KIAA0319: variants seen among roughly 807,000 people sequenced by gnomAD.
The protein encoded by KIAA0319 is KIAA0319.
In KIAA0319, 83 loss-of-function variants were observed where a neutral mutation model predicts 108.4. The observed-to-expected ratio is 0.77, with a 90% CI of 0.64 to 0.92. The LOEUF is 0.92. Ranked by LOEUF, KIAA0319 falls within the 40% of genes least tolerant of loss-of-function variation. The pLI is 0.00. For synonymous variants in KIAA0319, 484 were observed against 510.4 expected, an observed-to-expected ratio of 0.95 and a Z score of 0.70; for missense variants, 1,195 against 1,322.4, an observed-to-expected ratio of 0.90 and a Z score of 1.49.
At chr6:24,586,740 T>C (rs1185865546) in intron 4 of KIAA0319, among the ~76,000 whole-genome samples, 2 of 152,120 alleles carry the variant, frequency 1.3e-5, no homozygotes, top group African/African-American at 2.4e-5. Context: ...GTTTTTTTTT[T>C]CTCTCTTGTT....
intron 1 of KIAA0319, among the ~76,000 whole-genome samples, chr6:24,607,325 C>T (rs942751775): frequency 2.7e-5 from 4 of 149,426 alleles, no homozygotes; most frequent in Admixed American, 1.3e-4. Flanking sequence ...CATTGCACTC[C>T]AGCCTGGGCA....
Position 24,607,358 on chromosome 6 carries a change from A to AAAAAAGAAAAGAAAAAGAAAAG in KIAA0319, c.-105-6172_-105-6151dup, listed in dbSNP as rs11269559. On this transcript the variant is annotated intron_variant, in intron 1 of 20. Coordinates refer to ENST00000378214, the MANE Select transcript of KIAA0319 (RefSeq NM_014809.4). ...GCAACAAAAGCTAGACTCCATCTCAAAAAAAGAAAAGAAAAAGAAAAGAAA... is the reference window on the plus strand; with the variant it reads ...GCAACAAAAGCTAGACTCCATCTCAAAAAAAGAAAAGAAAAAGAAAAGAAAAAGAAAAGAAAAAGAAAAGAAA... Among the ~76,000 whole-genome samples, 411 of 150,008 alleles carry AAAAAAGAAAAGAAAAAGAAAAG rather than the reference A, an allele frequency of 2.7e-3. 1 individual carries two copies. Among genetic ancestry groups the AAAAAAGAAAAGAAAAAGAAAAG allele is most frequent in the African/African-American group, 9.3e-3 (379 of 40,798 alleles).
At chr6:24,590,907 AAATC>A (rs1191999624) in intron 3 of KIAA0319, among the ~76,000 whole-genome samples, 4 of 152,150 alleles carry the variant, frequency 2.6e-5, no homozygotes, top group Non-Finnish European at 5.9e-5. Flanking sequence ...CTCCAAAGAA[AAATC>A]AATCCTCTAT....
chr6:24,564,499 G>C (rs533621969), intron 14 of KIAA0319, among the ~76,000 whole-genome samples, 159 bp from the exon 15 acceptor site: 3 of 152,242 alleles, frequency 2.0e-5, no homozygotes, highest in African/African-American at 7.2e-5. Context: ...CTAAAGACTG[G>C]AGAAATCCTC....
intron 1 of KIAA0319, among the ~76,000 whole-genome samples, chr6:24,642,533 G>A (rs1364373989): frequency 6.6e-6 from 1 of 152,134 alleles, no homozygotes; most frequent in African/African-American, 2.4e-5. Flanking sequence ...CCTATCAACT[G>A]TAATGCTTAA....
chr6:24,631,184 TCTC>T (rs1328923161), intron 1 of KIAA0319, among the ~76,000 whole-genome samples: 1 of 152,234 alleles, frequency 6.6e-6, no homozygotes, highest in Non-Finnish European at 1.5e-5. Flanking sequence ...CTAGGGAAGT[TCTC>T]CTCTTTTATG....
intron 8 of KIAA0319, among the ~76,000 whole-genome samples, chr6:24,579,410 A>ATATATATATATATATATATATAT (rs1561981471): frequency 6.8e-4 from 60 of 87,972 alleles, no homozygotes; most frequent in African/African-American, 1.4e-3. Context: ...CCTCTATATA[A>ATATATATATATATATATATATAT]AGATATATAT....
chr6:24,593,703 G>T (rs1450378480), intron 3 of KIAA0319, among the ~76,000 whole-genome samples: 1 of 151,456 alleles, frequency 6.6e-6, no homozygotes, highest in Non-Finnish European at 1.5e-5. Context: ...TCCCGGCCCT[G>T]AATAATTATC....
At chr6:24,642,140 G>GGGGAGGGAAGGA (rs1777013064) in intron 1 of KIAA0319, among the ~76,000 whole-genome samples, 2 of 125,322 alleles carry the variant, frequency 1.6e-5, no homozygotes, top group African/African-American at 3.1e-5. Context: ...GGGAGGGGAA[G>GGGGAGGGAAGGA]GGGAGGGAAG....
At chr6:24,584,899 C>T (rs1478876094) in intron 4 of KIAA0319, among the ~76,000 whole-genome samples, 1 of 152,148 alleles carries the variant, frequency 6.6e-6, no homozygotes, top group African/African-American at 2.4e-5. Context: ...CCCAAAGATC[C>T]TGGGCCAAAC....
chr6:24,590,927 C>A (rs1768372255), intron 3 of KIAA0319, among the ~76,000 whole-genome samples: 1 of 152,170 alleles, frequency 6.6e-6, no homozygotes, highest in Non-Finnish European at 1.5e-5. Context: ...TCTATGGAAG[C>A]CACTGAGCAC....
intron 1 of KIAA0319, among the ~76,000 whole-genome samples, chr6:24,613,915 T>C (rs1307235665): frequency 2.0e-5 from 3 of 152,096 alleles, no homozygotes; most frequent in Non-Finnish European, 2.9e-5. Context: ...ATTCAACATA[T>C]CCAGAATCTG....
intron 1 of KIAA0319, among the ~76,000 whole-genome samples, chr6:24,612,802 G>A (rs972880889): frequency 6.7e-6 from 1 of 148,310 alleles, no homozygotes; most frequent in Non-Finnish European, 1.5e-5. Flanking sequence ...GAATTTTTTT[G>A]TTGTTGTTGT....
chr6:24,548,195 C>G (rs1011357597), intron 20 of KIAA0319, among the ~76,000 whole-genome samples: 1 of 152,120 alleles, frequency 6.6e-6, no homozygotes, highest in Non-Finnish European at 1.5e-5. Context: ...TGTTGCAGAA[C>G]TTTCTCCTTA....
chr6:24,599,549 G>A lies in KIAA0319; in HGVS notation c.55+1500C>T. Reference sequence around the variant, plus strand: ...ACAGGAAGGTGCTGGAGGGCGAGGAGAGCTGGCTGGAGTCTGGGATGCAGA... The same window carrying A: ...ACAGGAAGGTGCTGGAGGGCGAGGAAAGCTGGCTGGAGTCTGGGATGCAGA... On this transcript the variant is annotated intron_variant, in intron 2 of 20. Transcript: ENST00000378214. The surrounding 1 kb of genome is among the most constrained non-coding windows in gnomAD (Gnocchi z 4.1). 1 of 579,590 alleles carries A rather than the reference G, an allele frequency of 1.7e-6. No individual in the cohort carries two copies. Among genetic ancestry groups the A allele is most frequent in the Non-Finnish European group, 3.3e-6 (1 of 302,322 alleles). The allele number at this position is 579,590 out of a possible 1,614,324, so 35.9% of individuals were successfully genotyped here.
chr6:24,557,384 T>C (rs1033393400), intron 17 of KIAA0319, among the ~76,000 whole-genome samples: 1 of 152,042 alleles, frequency 6.6e-6, no homozygotes, highest in African/African-American at 2.4e-5. Flanking sequence ...GCGCCTGTAA[T>C]GCCAGCTACT....
chr6:24,599,038 A>G lies in KIAA0319; in HGVS notation c.55+2011T>C. The G allele has an allele frequency of 1.4e-6, 1 of 737,026 alleles. No homozygotes were observed. Among genetic ancestry groups the G allele is most frequent in the Non-Finnish European group, 2.4e-6 (1 of 411,710 alleles). The allele number at this position is 737,026 out of a possible 1,614,324, so 45.7% of individuals were successfully genotyped here. A position where few individuals can be genotyped will look rare whatever the true frequency, so the allele number is the denominator to read the frequency against. On this transcript the variant is annotated intron_variant, in intron 2 of 20. Coordinates refer to ENST00000378214, the MANE Select transcript of KIAA0319 (RefSeq NM_014809.4). The surrounding 1 kb of genome is among the most constrained non-coding windows in gnomAD (Gnocchi z 4.1). ...ATCAACTTCCTCAGGCAGCTGTATG[A>G]AGAGGAGATCCAGGAGCTGCAGTCC...
At chr6:24,585,215 G>T (rs1767283793) in intron 4 of KIAA0319, among the ~76,000 whole-genome samples, 2 of 152,040 alleles carry the variant, frequency 1.3e-5, no homozygotes, top group African/African-American at 4.8e-5. Flanking sequence ...AATATGATTT[G>T]TGAAAGGGAA....
chr6:24,564,079 T>TCCAGCCAAGAGCTGGAG, intron 15 of KIAA0319, 123 bp downstream of exon 15: 2 of 1,189,968 alleles, frequency 1.7e-6, no homozygotes, highest in South Asian at 2.9e-5. Flanking sequence ...TCAAAGTGGG[T>TCCAGCCAAGAGCTGGAG]CCAGCCAAGA....
Sources: allele counts gnomAD v4.1 joint callset (sites outside exome capture counted in the v4.1 genomes callset), GRCh38; gene constraint gnomAD v4.1.1; non-coding constraint Gnocchi (gnomAD v3.1); transcripts MANE v1.5; gene names NCBI Gene and HGNC (gene_info 2026-07-23, HGNC 2026-07-21).